Variants in DPYSL2 observed in about 807,000 individuals in gnomAD.
DPYSL2 encodes dihydropyrimidinase-related protein 2.
DPYSL2 carries 13 observed loss-of-function variants against 69.9 expected under a neutral mutation model. The observed-to-expected ratio is 0.19, with a 90% CI of 0.12 to 0.30. The LOEUF is 0.30. Among genes scored for constraint, DPYSL2 ranks in the 10% least tolerant of loss-of-function variants. The pLI is 1.00. For missense variants in DPYSL2, 587 were observed against 918.9 expected (o/e 0.64, Z 4.67); for synonymous variants, 326 against 359.1 (o/e 0.91, Z 1.04).
intron 1 of DPYSL2, chr8:26,578,066 GAGAC>G: frequency 2.7e-6 from 4 of 1,470,974 alleles, no homozygotes; most frequent in Middle Eastern, 2.3e-4. Context: ...GGAAGAAAGA[GAGAC>G]AGAGGATTGC....
intron 3 of DPYSL2, among the ~76,000 whole-genome samples, chr8:26,590,895 A>G (rs971522925): frequency 1.3e-5 from 2 of 152,250 alleles, no homozygotes; most frequent in African/African-American, 2.4e-5. Flanking sequence ...TGGGCTAGCC[A>G]GGTAGGCTGG....
In DPYSL2 at chr8:26,647,402, T is replaced by TCTAG. The variant is rs1484618496; in HGVS notation, c.1426-226_1426-223dup. Among the ~76,000 whole-genome samples the TCTAG allele has an allele frequency of 6.6e-6, 1 of 152,122 alleles. No homozygotes were observed. The highest frequency in any genetic ancestry group is 2.4e-5 in the African/African-American group (1 of 41,430). On this transcript the variant is annotated intron_variant, in intron 10 of 13. Coordinates refer to ENST00000521913, the MANE Select transcript of DPYSL2 (RefSeq NM_001197293.3). The surrounding 1 kb of genome is among the most constrained non-coding windows in gnomAD (Gnocchi z 5.1). Reference sequence around the variant, plus strand: ...CCCTCCCTAACCCTGGAAGAACCCATCTAGCCCCTCATCTGTTCTCCATCT... The same window carrying TCTAG: ...CCCTCCCTAACCCTGGAAGAACCCATCTAGCTAGCCCCTCATCTGTTCTCCATCT...
intron 1 of DPYSL2, among the ~76,000 whole-genome samples, chr8:26,523,710 G>A (rs140359440): frequency 2.1e-4 from 32 of 152,026 alleles, no homozygotes; most frequent in African/African-American, 7.7e-4. Flanking sequence ...ACCCAGGCAG[G>A]AGTGTAGTGG....
intron 1 of DPYSL2, among the ~76,000 whole-genome samples, chr8:26,566,079 A>G (rs1801144967): frequency 6.6e-6 from 1 of 152,232 alleles, no homozygotes; most frequent in African/African-American, 2.4e-5. Flanking sequence ...CCAGATAGAC[A>G]TGGAAGGACC....
At chr8:26,578,462 T>C in intron 1 of DPYSL2, 2 of 1,470,196 alleles carry the variant, frequency 1.4e-6, no homozygotes, top group Non-Finnish European at 1.8e-6. Context: ...GGAGATGCAG[T>C]GATCCAGGAT....
intron 7 of DPYSL2, among the ~76,000 whole-genome samples, chr8:26,631,006 C>G (rs17055546): frequency 0.08 from 12,238 of 152,214 alleles, 592 homozygotes; most frequent in South Asian, 0.16. Flanking sequence ...TCTGCAAATG[C>G]TACATGAGGC....
At chr8:26,529,000 G>A (rs1284125949) in intron 1 of DPYSL2, among the ~76,000 whole-genome samples, 12 of 152,158 alleles carry the variant, frequency 7.9e-5, no homozygotes. Flanking sequence ...GATGGAGTGT[G>A]AGCTCTGGAT....
At chr8:26,634,654 C>T (rs920135645) in intron 7 of DPYSL2, 126 bp from the exon 8 acceptor site, 3 of 1,519,714 alleles carry the variant, frequency 2.0e-6, no homozygotes, top group Non-Finnish European at 1.8e-6. Flanking sequence ...GAATTGTCCC[C>T]TGGGGTAGGA....
intron 10 of DPYSL2, among the ~76,000 whole-genome samples, chr8:26,646,203 GGT>G (rs1051762177): frequency 3.4e-4 from 15 of 43,488 alleles, no homozygotes; most frequent in Non-Finnish European, 1.6e-4. Context: ...TGTTGTTTCT[GGT>G]TTTTTTTTTT....
At position 26,582,193 on chromosome 8, in the gene DPYSL2, T is replaced by G; in HGVS notation, c.443+136T>G. The G allele has an allele frequency of 1.5e-6, 1 of 651,334 alleles. No individual in the cohort carries two copies. The highest frequency in any genetic ancestry group is 2.6e-6 in the Non-Finnish European group (1 of 389,168). 40.3% of individuals were successfully genotyped at this position (651,334 alleles called of 1,614,324 possible). ...CAACTTAGTATCTGTTTTAAACTGGTTTTGATTGGTGGTAATTAGTGAATT... is the reference window on the plus strand; with the variant it reads ...CAACTTAGTATCTGTTTTAAACTGGGTTTGATTGGTGGTAATTAGTGAATT... On this transcript the variant is annotated intron_variant, in intron 2 of 13. Coordinates refer to ENST00000521913, the MANE Select transcript of DPYSL2 (RefSeq NM_001197293.3). This position sits in a 1 kb window ranked among gnomAD's most constrained non-coding sequence, Gnocchi z 4.1.
intron 1 of DPYSL2, among the ~76,000 whole-genome samples, chr8:26,576,189 G>A (rs1057210656): frequency 2.6e-5 from 4 of 152,166 alleles, no homozygotes; most frequent in Non-Finnish European, 5.9e-5. Context: ...AGAGATATAG[G>A]AGTGAAAAGG....
intron 7 of DPYSL2, 72 bp from the exon 8 acceptor site, chr8:26,634,708 G>C: frequency 6.2e-7 from 1 of 1,610,570 alleles, no homozygotes; most frequent in Non-Finnish European, 8.5e-7. Context: ...CCTCTCTCTG[G>C]GGTGGAGGAT....
intron 3 of DPYSL2, among the ~76,000 whole-genome samples, chr8:26,601,531 A>C (rs1801993046): frequency 6.6e-6 from 1 of 152,000 alleles, no homozygotes; most frequent in South Asian, 2.1e-4. Context: ...GTGCCCGCCA[A>C]CATGCCCGGC....
chr8:26,630,773 T>A (rs923164742), intron 7 of DPYSL2, among the ~76,000 whole-genome samples: 11 of 152,170 alleles, frequency 7.2e-5, no homozygotes, highest in Non-Finnish European at 1.2e-4. Flanking sequence ...ACTGCCCAGT[T>A]ATCAAAGCAG....
Position 26,653,502 on chromosome 8 carries a change from T to C in DPYSL2, c.1942+105T>C. 8.5e-7 allele frequency: 1 copy of C among 1,174,686 alleles called. No homozygotes were observed. The highest frequency in any genetic ancestry group is 1.2e-6 in the Non-Finnish European group (1 of 827,816). The allele number at this position is 1,174,686 out of a possible 1,614,324, so 72.8% of individuals were successfully genotyped here. On this transcript the variant is annotated intron_variant, in intron 13 of 13. Coordinates refer to ENST00000521913, the MANE Select transcript of DPYSL2 (RefSeq NM_001197293.3). This position sits in a 1 kb window ranked among gnomAD's most constrained non-coding sequence, Gnocchi z 5.7. ...AGGACACAGAAATAGAAGTGAATGA[T>C]ATTCCCTTTCTCTCCAACGTGAGAA... is the stretch of plus-strand genomic sequence containing the variant.
chr8:26,515,183 T>A (rs1032399308), intron 1 of DPYSL2, among the ~76,000 whole-genome samples: 1 of 152,036 alleles, frequency 6.6e-6, no homozygotes, highest in Non-Finnish European at 1.5e-5. Flanking sequence ...TGCGCTCACG[T>A]CCCGAGCTCC....
intron 3 of DPYSL2, among the ~76,000 whole-genome samples, chr8:26,615,932 A>G (rs553996837): frequency 6.6e-6 from 1 of 152,300 alleles, no homozygotes; most frequent in South Asian, 2.1e-4. Flanking sequence ...TGTTTTATGC[A>G]TGGGCGTTTT....
At chr8:26,547,501 A>G (rs1800791639) in intron 1 of DPYSL2, among the ~76,000 whole-genome samples, 1 of 152,260 alleles carries the variant, frequency 6.6e-6, no homozygotes, top group African/African-American at 2.4e-5. Context: ...TTGAGGAGAC[A>G]GAACAAGCAT....
Position 26,658,039 on chromosome 8 carries a change from AGT to A in DPYSL2, c.*2334_*2335del, listed in dbSNP as rs1469453691. On this transcript the variant is annotated 3_prime_UTR_variant, in exon 14 of 14. Coordinates refer to ENST00000521913, the MANE Select transcript of DPYSL2 (RefSeq NM_001197293.3). This position sits in a 1 kb window ranked among gnomAD's most constrained non-coding sequence, Gnocchi z 4.7. ...AGCTGATAAAGTGTGTAGCCAGAAG[AGT>A]ACTTTTTTTTTTGTAACCACTGTCT... 2.0e-5 allele frequency: 3 copies of A among 152,574 alleles called. No homozygotes were observed. The highest frequency in any genetic ancestry group is 7.2e-5 in the African/African-American group (3 of 41,428). 9.5% of individuals were successfully genotyped at this position (152,574 alleles called of 1,614,324 possible).
Sources: allele counts gnomAD v4.1 joint callset (sites outside exome capture counted in the v4.1 genomes callset), GRCh38; gene constraint gnomAD v4.1.1; non-coding constraint Gnocchi (gnomAD v3.1); transcripts MANE v1.5; gene names NCBI Gene and HGNC (gene_info 2026-07-23, HGNC 2026-07-21).